NCBP1: variants seen among roughly 807,000 people sequenced by gnomAD.
NCBP1 encodes nuclear cap-binding protein subunit 1.
Under a neutral mutation model 111.7 loss-of-function variants are expected in NCBP1, and 16 were observed. The observed-to-expected ratio is 0.14, with a 90% CI of 0.10 to 0.22. The LOEUF (loss-of-function observed/expected upper bound fraction) is 0.22, where lower values mean the gene tolerates loss of function less well. Among genes scored for constraint, NCBP1 ranks in the 10% least tolerant of loss-of-function variants. The pLI, the probability that NCBP1 is intolerant of heterozygous loss-of-function variation, is 1.00. For missense variants in NCBP1, 607 were observed against 957.5 expected, an observed-to-expected ratio of 0.63 and a Z score of 4.83; for synonymous variants, 304 against 314.3, an observed-to-expected ratio of 0.97 and a Z score of 0.35.
At chr9:97,636,536 AAGTT>A (rs1356664028) in intron 1 of NCBP1, among the ~76,000 whole-genome samples, 1 of 134,502 alleles carries the variant, frequency 7.4e-6, no homozygotes, top group Non-Finnish European at 1.6e-5. Flanking sequence ...TATATTATAT[AAGTT>A]TGTTTATTAT....
At chr9:97,666,421 G>A (rs1371088511) in intron 19 of NCBP1, among the ~76,000 whole-genome samples, 1 of 152,102 alleles carries the variant, frequency 6.6e-6, no homozygotes, top group African/African-American at 2.4e-5. Context: ...TTTACATTTA[G>A]GAGAGGAAAA....
At position 97,655,683 on chromosome 9, in the gene NCBP1, C is replaced by G; in HGVS notation, c.1236-19C>G. The G allele has an allele frequency of 6.3e-7, 1 of 1,593,730 alleles. No homozygotes were observed. The highest frequency in any genetic ancestry group is 8.6e-7 in the Non-Finnish European group (1 of 1,168,512). On this transcript the variant is annotated intron_variant, in intron 12 of 22. Transcript: ENST00000375147. ...TTATTCTTCCTTTTTCTCTGCCTAC[C>G]TCCCCCTTCTCTACGTAGGTTTATT...
chr9:97,643,173 G>A, intron 3 of NCBP1, 31 bp from the exon 4 acceptor site: 1 of 1,550,034 alleles, frequency 6.5e-7, no homozygotes, highest in Non-Finnish European at 8.6e-7. Context: ...TTGTTTTGGG[G>A]TTTTCTTGTT....
intron 9 of NCBP1, 29 bp from the exon 10 acceptor site, chr9:97,651,281 T>G: frequency 6.3e-7 from 1 of 1,579,678 alleles, no homozygotes; most frequent in African/African-American, 1.4e-5. Context: ...CTTCGTATAC[T>G]TATTAAACTT....
Position 97,656,104 on chromosome 9 carries a change from C to T in NCBP1, c.1373+19C>T. On this transcript the variant is annotated intron_variant, in intron 14 of 22. Coordinates refer to ENST00000375147, the MANE Select transcript of NCBP1 (RefSeq NM_002486.5). ...GTATGAGGTAAGTTTTTTGTGTTTT[C>T]TCCTTTTAACTTCTTTGGGAGGATT... 6.4e-7 allele frequency: 1 copy of T among 1,570,518 alleles called. No homozygotes were observed. Among genetic ancestry groups the T allele is most frequent in the Non-Finnish European group, 8.8e-7 (1 of 1,140,778 alleles).
At chr9:97,638,199 C>T (rs550212993) in intron 1 of NCBP1, among the ~76,000 whole-genome samples, 22 of 152,276 alleles carry the variant, frequency 1.4e-4, no homozygotes, top group African/African-American at 4.6e-4. Flanking sequence ...GTAGTCTTCA[C>T]CCCTTTATAG....
chr9:97,654,564 T>TAA lies in NCBP1; in HGVS notation c.1171-303_1171-302dup, dbSNP rs113841701. On this transcript the variant is annotated intron_variant, in intron 11 of 22. Coordinates refer to ENST00000375147, the MANE Select transcript of NCBP1 (RefSeq NM_002486.5). ...TGCAGGGTTGCCACAAACCTTCAGT[T>TAA]AAAAAAAAAAAAAAGAAGCAATTTC... is the stretch of plus-strand genomic sequence containing the variant. 9.1e-3 allele frequency among the ~76,000 whole-genome samples: 1,285 copies of TAA among 140,902 alleles called. 18 individuals are homozygous for TAA. Among genetic ancestry groups the TAA allele is most frequent in the African/African-American group, 0.031 (1,206 of 38,894 alleles). 92.4% of individuals were successfully genotyped at this position (140,902 alleles called of 152,430 possible).
At position 97,657,916 on chromosome 9, in the gene NCBP1, A is replaced by C. The variant is rs1297854554; in HGVS notation, c.1374-724A>C. Among the ~76,000 whole-genome samples the C allele has an allele frequency of 4.9e-5, 5 of 102,988 alleles. No homozygotes were observed. The East Asian group carries it at 6.7e-4, about 14-fold the overall frequency. The allele number at this position is 102,988 out of a possible 152,430, so 67.6% of individuals were successfully genotyped here. Reference sequence around the variant, plus strand: ...TCTCTCTCTCTCTCTCTATATATATATATATATATATTTTTTTTTTTTTTT... The same window carrying C: ...TCTCTCTCTCTCTCTCTATATATATCTATATATATATTTTTTTTTTTTTTT... On this transcript the variant is annotated intron_variant, in intron 14 of 22. Transcript: ENST00000375147.
At chr9:97,637,581 AG>A (rs1282828685) in intron 1 of NCBP1, among the ~76,000 whole-genome samples, 11 of 152,220 alleles carry the variant, frequency 7.2e-5, no homozygotes, top group African/African-American at 2.7e-4. Context: ...TAGAAGTGAA[AG>A]GATTTGTTAT....
At chr9:97,670,118 T>G (rs1828141677) in intron 22 of NCBP1, 1 of 312,278 alleles carries the variant, frequency 3.2e-6, no homozygotes, top group South Asian at 2.9e-5. Context: ...GGACAGAGTT[T>G]CACCATGTTG....
chr9:97,645,473 A>G (rs986895710), intron 5 of NCBP1, 138 bp from the exon 6 acceptor site: 5 of 931,546 alleles, frequency 5.4e-6, no homozygotes, highest in Middle Eastern at 3.3e-4. Context: ...TAATATATCT[A>G]GAAATGCTCT....
intron 14 of NCBP1, among the ~76,000 whole-genome samples, chr9:97,657,940 T>C (rs1268465188): frequency 2.1e-5 from 3 of 142,782 alleles, no homozygotes; most frequent in Non-Finnish European, 4.5e-5. Flanking sequence ...TTTTTTTTTT[T>C]TTTAACGTCC....
chr9:97,644,723 A>G (rs1265259319), intron 4 of NCBP1, among the ~76,000 whole-genome samples: 1 of 152,226 alleles, frequency 6.6e-6, no homozygotes, highest in African/African-American at 2.4e-5. Flanking sequence ...TTCTTGATGT[A>G]GTATAGCATA....
intron 14 of NCBP1, among the ~76,000 whole-genome samples, chr9:97,656,822 ACT>A (rs1247682095): frequency 2.6e-5 from 4 of 151,890 alleles, no homozygotes; most frequent in African/African-American, 7.3e-5. Flanking sequence ...AAACAAAACC[ACT>A]CTCCTACCTA....
At chr9:97,647,238 C>T (rs943712811) in intron 6 of NCBP1, among the ~76,000 whole-genome samples, 1 of 152,098 alleles carries the variant, frequency 6.6e-6, no homozygotes, top group Non-Finnish European at 1.5e-5. Context: ...TAGATTTAGT[C>T]AAATTACCTT....
chr9:97,636,800 T>C (rs1827055040), intron 1 of NCBP1, among the ~76,000 whole-genome samples: 2 of 151,664 alleles, frequency 1.3e-5, no homozygotes. Context: ...AAGTAAAGTA[T>C]AGTGTATCAT....
At chr9:97,661,973 C>T (rs75225507) in intron 16 of NCBP1, 69 bp from the exon 17 acceptor site, 11,491 of 1,059,174 alleles carry the variant, frequency 0.011, 684 homozygotes, top group Admixed American at 0.11. Context: ...ATCTATTTAG[C>T]ATTTGAGGTA....
In NCBP1 at chr9:97,647,472, A is replaced by G. The variant is rs780252054; in HGVS notation, c.612-20A>G. On this transcript the variant is annotated intron_variant, in intron 6 of 22. Coordinates refer to ENST00000375147, the MANE Select transcript of NCBP1 (RefSeq NM_002486.5). Reference sequence around the variant, plus strand: ...CTTGTTTTTAAAAGCCTAAATGTAGATTTTCATTTTTATCTTTAGAAGACG... The same window carrying G: ...CTTGTTTTTAAAAGCCTAAATGTAGGTTTTCATTTTTATCTTTAGAAGACG... The G allele has an allele frequency of 2.5e-5, 40 of 1,596,032 alleles. No individual in the cohort carries two copies. The highest frequency in any genetic ancestry group is 3.4e-5 in the Non-Finnish European group (40 of 1,165,006).
intron 8 of NCBP1, 111 bp downstream of exon 8, chr9:97,648,334 C>A: frequency 1.1e-6 from 1 of 923,338 alleles, no homozygotes; most frequent in Non-Finnish European, 1.6e-6. Flanking sequence ...TTGTTTTTAT[C>A]TAAGAAGGTC....
Sources: allele counts gnomAD v4.1 joint callset (sites outside exome capture counted in the v4.1 genomes callset), GRCh38; gene constraint gnomAD v4.1.1; transcripts MANE v1.5; gene names NCBI Gene and HGNC (gene_info 2026-07-23, HGNC 2026-07-21).